FREM3: variants seen among roughly 807,000 people sequenced by gnomAD.
FREM3 encodes FRAS1 related extracellular matrix 3, also known as FRAS1-related extracellular matrix protein 3.
In FREM3, 105 loss-of-function variants were observed where a neutral mutation model predicts 129.1. The observed-to-expected ratio is 0.81, with a 90% CI of 0.69 to 0.96. The LOEUF (loss-of-function observed/expected upper bound fraction) is 0.96, where lower values mean the gene tolerates loss of function less well. FREM3 is among the 40% of genes least tolerant of loss of function. The probability of loss-of-function intolerance (pLI) is 0.00; values close to 1 mark genes in which losing one functional copy is unlikely to be tolerated. For missense variants in FREM3, 2,593 were observed against 2,666.3 expected (o/e 0.97, Z 0.61); for synonymous variants, 1,014 against 1,044.9 (o/e 0.97, Z 0.57).
Position 143,696,338 on chromosome 4 carries a change from G to A in FREM3, c.4338C>T (p.Asn1446=). 1.3e-6 allele frequency: 2 copies of A among 1,537,426 alleles called. No homozygotes were observed. The change falls in exon 1 of 8, where the codon AAC becomes AAT. Residue 1446 remains asparagine (N), a synonymous_variant. Coordinates refer to ENST00000329798, the MANE Select transcript of FREM3 (RefSeq NM_001168235.2). ...TGATGTCACTGTTGGTAAGCAGATT[G>A]TTGGTAAGGGTCACTCTGGCACCTT... The part of the protein sequence containing the change: ...LIEGARVTLT[N]NLLTNSDINS...
At chr4:143,649,141 G>T (rs1042492826) in intron 2 of FREM3, 1 of 152,182 alleles carries the variant, frequency 6.6e-6, no homozygotes, top group African/African-American at 2.4e-5. Context: ...TTTTAATAAG[G>T]ATAGTAGAAC....
intron 4 of FREM3, among the ~76,000 whole-genome samples, chr4:143,622,589 C>G (rs1233710307): frequency 1.3e-5 from 2 of 152,124 alleles, no homozygotes; most frequent in African/African-American, 4.8e-5. Flanking sequence ...GAGAAAAGAC[C>G]AGTGATAGTT....
intron 6 of FREM3, among the ~76,000 whole-genome samples, chr4:143,588,398 C>G: frequency 6.6e-6 from 1 of 151,658 alleles, no homozygotes; most frequent in African/African-American, 2.4e-5. Context: ...CCCCCATCCC[C>G]CCACCCCACA....
At chr4:143,603,550 GACATGTTTCT>G (rs1289054763) in intron 6 of FREM3, among the ~76,000 whole-genome samples, 2 of 152,034 alleles carry the variant, frequency 1.3e-5, no homozygotes, top group Admixed American at 1.3e-4. Context: ...TCAGTAGAAT[GACATGTTTCT>G]GAGATGAGGA....
At chr4:143,671,146 A>C (rs1739957696) in intron 2 of FREM3, among the ~76,000 whole-genome samples, 1 of 152,166 alleles carries the variant, frequency 6.6e-6, no homozygotes, top group South Asian at 2.1e-4. Context: ...CTTGAAATTT[A>C]ATAATTTTTC....
chr4:143,655,130 A>G (rs1224404042), intron 2 of FREM3, among the ~76,000 whole-genome samples: 3 of 152,174 alleles, frequency 2.0e-5, no homozygotes, highest in African/African-American at 7.2e-5. Context: ...ATCTGTCAGT[A>G]ATCCCTTCCA....
intron 6 of FREM3, among the ~76,000 whole-genome samples, chr4:143,603,545 A>T (rs1357862890): frequency 1.3e-5 from 2 of 152,208 alleles, no homozygotes; most frequent in Admixed American, 1.3e-4. Context: ...TAGCCTCAGT[A>T]GAATGACATG....
At chr4:143,635,395 A>G (rs952734559) in intron 2 of FREM3, among the ~76,000 whole-genome samples, 2 of 152,192 alleles carry the variant, frequency 1.3e-5, no homozygotes, top group African/African-American at 4.8e-5. Context: ...ACTCTAGTGC[A>G]TGATTTTCCA....
chr4:143,678,410 A>G (rs1182210487), intron 2 of FREM3, among the ~76,000 whole-genome samples: 1 of 152,052 alleles, frequency 6.6e-6, no homozygotes, highest in African/African-American at 2.4e-5. Context: ...GGGATGGGGG[A>G]GGGATAACAT....
intron 2 of FREM3, among the ~76,000 whole-genome samples, chr4:143,642,938 C>T (rs1739347101): frequency 6.6e-6 from 1 of 151,916 alleles, no homozygotes; most frequent in East Asian, 1.9e-4. Flanking sequence ...CAAAATAATC[C>T]AGAAAACAAT....
At chr4:143,607,557 G>T (rs534950442) in intron 6 of FREM3, among the ~76,000 whole-genome samples, 1 of 152,276 alleles carries the variant, frequency 6.6e-6, no homozygotes, top group East Asian at 1.9e-4. Flanking sequence ...GGAACTCAAT[G>T]ATTAAGAGTT....
chr4:143,599,695 A>G (rs4835228), intron 6 of FREM3, among the ~76,000 whole-genome samples: 1 of 152,242 alleles, frequency 6.6e-6, no homozygotes, highest in African/African-American at 2.4e-5. Context: ...GCAAAGGAAC[A>G]CTAGGCTAGA....
chr4:143,700,666 C>G lies in FREM3; in HGVS notation c.10G>C (p.Ala4Pro), dbSNP rs1326154230. Residue 4 changes from alanine to proline, a missense_variant, in exon 1 of 8, where the codon GCT (alanine) becomes CCT (proline). Ala to Pro is a conservative substitution (Grantham distance 27). Coordinates refer to ENST00000329798, the MANE Select transcript of FREM3 (RefSeq NM_001168235.2). MAG[A>P]SRHPTGTPRQ... ...GGCGTCCCAGTCGGGTGCCGAGAAGCCCCCGCCATGGCCACGGATGGCTCC... is the reference window on the plus strand; with the variant it reads ...GGCGTCCCAGTCGGGTGCCGAGAAGGCCCCGCCATGGCCACGGATGGCTCC... The G allele has an allele frequency of 1.4e-6, 2 of 1,426,584 alleles. No homozygotes were observed. The highest frequency in any genetic ancestry group is 2.9e-5 in the African/African-American group (2 of 68,178). 88.4% of individuals were successfully genotyped at this position (1,426,584 alleles called of 1,614,324 possible). A position where few individuals can be genotyped will look rare whatever the true frequency, so the allele number is the denominator to read the frequency against.
chr4:143,584,197 C>T (rs1346871315), intron 7 of FREM3, among the ~76,000 whole-genome samples: 1 of 152,118 alleles, frequency 6.6e-6, no homozygotes, highest in Non-Finnish European at 1.5e-5. Context: ...ATCATGAGGT[C>T]AGGAGATCGA....
chr4:143,596,992 A>G (rs1186331102), intron 6 of FREM3, among the ~76,000 whole-genome samples: 1 of 152,152 alleles, frequency 6.6e-6, no homozygotes, highest in Non-Finnish European at 1.5e-5. Flanking sequence ...TCTTAAGCAT[A>G]CAGATTGGGG....
chr4:143,698,764 A>G lies in FREM3; in HGVS notation c.1912T>C (p.Tyr638His), dbSNP rs1397988803. The change falls in exon 1 of 8, where the codon TAT (tyrosine) becomes CAT (histidine). Residue 638 changes from tyrosine (Y) to histidine (H), a missense_variant. Around this residue, in one of 2 missense-constraint regions of FREM3, gnomAD observed 2,276 missense variants for 2,267.2 expected, o/e 1.00. Coordinates refer to ENST00000329798, the MANE Select transcript of FREM3 (RefSeq NM_001168235.2). ...AGCCACTCAGTCACCACTTTCTCATAAAGCCCTTCCTTTTCCATGTAGTGC... is the reference window on the plus strand; with the variant it reads ...AGCCACTCAGTCACCACTTTCTCATGAAGCCCTTCCTTTTCCATGTAGTGC... ...DWHYMEKEGL[Y>H]EKVVTEWLQR... The G allele has an allele frequency of 1.5e-5, 23 of 1,537,400 alleles. No individual in the cohort carries two copies. Among genetic ancestry groups the G allele is most frequent in the Non-Finnish European group, 1.8e-5 (21 of 1,146,992 alleles).
At position 143,693,202 on chromosome 4, in the gene FREM3, G is replaced by T. The variant is rs773449595; in HGVS notation, c.5186C>A (p.Ala1729Asp). Reference sequence around the variant, plus strand: ...GGATATCTTCATCTCATCAATGTCAGCTAAAAAAAAAGCAACCATCACACA... The same window carrying T: ...GGATATCTTCATCTCATCAATGTCATCTAAAAAAAAAGCAACCATCACACA... Reference protein sequence around the residue: ...GNQSTRVFTQADIDEMKISYV... With the variant: ...GNQSTRVFTQDDIDEMKISYV... The change falls in exon 2 of 8, where the codon GCT becomes GAT. Residue 1729 changes from alanine (A) to aspartate (D), a missense_variant and splice_region_variant. Physicochemically the swap from Ala to Asp is moderately radical, Grantham distance 126. Transcript: ENST00000329798. 1.6e-4 allele frequency: 236 copies of T among 1,474,512 alleles called. No individual in the cohort carries two copies. Among genetic ancestry groups the T allele is most frequent in the Non-Finnish European group, 2.1e-4 (228 of 1,110,334 alleles). The allele number at this position is 1,474,512 out of a possible 1,614,324, so 91.3% of individuals were successfully genotyped here. A position where few individuals can be genotyped will look rare whatever the true frequency, so the allele number is the denominator to read the frequency against.
In FREM3 at chr4:143,700,488, A is replaced by G. The variant is rs1269297050; in HGVS notation, c.188T>C (p.Leu63Pro). Reference sequence around the variant, plus strand: ...CACCCGGAGTCCAGGGTTGGCAATCAGCACGCTGGGGCCGTCGGGGCGAGT... The same window carrying G: ...CACCCGGAGTCCAGGGTTGGCAATCGGCACGCTGGGGCCGTCGGGGCGAGT... ...DGTRPDGPSV[L>P]IANPGLRVPL... The change falls in exon 1 of 8, where the codon CTG becomes CCG. Residue 63 changes from leucine to proline, a missense_variant. Physicochemically the swap from Leu to Pro is moderately conservative, Grantham distance 98. Coordinates refer to ENST00000329798, the MANE Select transcript of FREM3 (RefSeq NM_001168235.2). The G allele has an allele frequency of 6.6e-7, 1 of 1,511,034 alleles. No homozygotes were observed. The highest frequency in any genetic ancestry group is 2.1e-5 in the Admixed American group (1 of 48,466). The allele number at this position is 1,511,034 out of a possible 1,614,324, so 93.6% of individuals were successfully genotyped here. A position where few individuals can be genotyped will look rare whatever the true frequency, so the allele number is the denominator to read the frequency against.
At chr4:143,581,943 C>T (rs1489492129) in intron 7 of FREM3, among the ~76,000 whole-genome samples, 2 of 152,134 alleles carry the variant, frequency 1.3e-5, no homozygotes, top group African/African-American at 2.4e-5. Flanking sequence ...ACCTCCAGCT[C>T]TTAGCTGCCC....
Sources: gnomAD v4.1 joint callset for allele counts (sites outside exome capture counted in the v4.1 genomes callset) on GRCh38, gnomAD v4.1.1 for gene constraint, gnomAD v4.1.1 regional missense constraint, MANE v1.5 for transcripts, NCBI Gene and HGNC (gene_info 2026-07-23, HGNC 2026-07-21) for gene names.